Variants in MCF2L observed in about 807,000 individuals in gnomAD.
MCF2L encodes MCF.2 cell line derived transforming sequence like, also known as guanine nucleotide exchange factor DBS.
MCF2L carries 97 observed loss-of-function variants against 153.4 expected under a neutral mutation model. The observed-to-expected ratio is 0.63, with a 90% confidence interval of 0.54 to 0.75. The LOEUF (loss-of-function observed/expected upper bound fraction) is 0.75. MCF2L is among the 30% of genes least tolerant of loss of function. MCF2L has a pLI of 0.00. For missense variants in MCF2L, 1,347 were observed against 1,495.2 expected (o/e 0.90, Z 1.64); for synonymous variants, 659 against 632.2 (o/e 1.04, Z -0.64).
chr13:113,086,257 G>A lies in MCF2L; in HGVS notation c.2373+8G>A, dbSNP rs41300612. ...GCTATCACCGGCTATGACGTAAGGC[G>A]CCCAGATGCCCGGTCTTCCCCGCCG... On this transcript the variant is annotated splice_region_variant and intron_variant, in intron 21 of 29. Coordinates refer to ENST00000535094, the MANE Select transcript of MCF2L (RefSeq NM_001112732.3). 7.5e-4 allele frequency: 1,209 copies of A among 1,607,174 alleles called. 8 individuals are homozygous for A. The highest frequency in any genetic ancestry group is 2.7e-3 in the South Asian group (246 of 90,256).
chr13:113,032,425 C>T (rs1486879700), intron 3 of MCF2L, among the ~76,000 whole-genome samples: 2 of 152,278 alleles, frequency 1.3e-5, no homozygotes, highest in Admixed American at 6.5e-5. Context: ...TGTGGAGCTG[C>T]ACTGGGGTGA....
chr13:113,028,465 C>T lies in MCF2L; in HGVS notation c.278+3707C>T, dbSNP rs1236070099. Among the ~76,000 whole-genome samples the T allele has an allele frequency of 1.3e-5, 2 of 152,218 alleles. No homozygotes were observed. Among genetic ancestry groups the T allele is most frequent in the Non-Finnish European group, 2.9e-5 (2 of 68,044 alleles). On this transcript the variant is annotated intron_variant, in intron 3 of 29. Coordinates refer to ENST00000535094, the MANE Select transcript of MCF2L (RefSeq NM_001112732.3). The surrounding 1 kb of genome is among the most constrained non-coding windows in gnomAD (Gnocchi z 5.4). ...CAGATGGGTCCAGACTCCTGCAGGA[C>T]AAGACCCACTCAGCCACCTCTGTAG...
intron 5 of MCF2L, among the ~76,000 whole-genome samples, chr13:113,061,387 C>G (rs1290180681): frequency 6.6e-6 from 1 of 152,150 alleles, no homozygotes; most frequent in Non-Finnish European, 1.5e-5. Flanking sequence ...CCCCGGAGAG[C>G]CCTGGTCAGC....
At chr13:113,061,706 TTGCCCTCCCCTCCCC>T in intron 5 of MCF2L, among the ~76,000 whole-genome samples, 1 of 11,502 alleles carries the variant, frequency 8.7e-5, no homozygotes, top group South Asian at 4.2e-3. Flanking sequence ...CCCCTCCCCC[TTGCCCTCCCCTCCCC>T]CTTGCCCTCC....
At chr13:112,899,713 G>A (rs1265553517) in intron 1 of MCF2L, among the ~76,000 whole-genome samples, 2 of 152,176 alleles carry the variant, frequency 1.3e-5, no homozygotes, top group Non-Finnish European at 2.9e-5. Flanking sequence ...TCAGGACCCC[G>A]GAGCTGACTG....
intron 1 of MCF2L, among the ~76,000 whole-genome samples, chr13:112,901,099 G>A (rs2081115336): frequency 6.6e-6 from 1 of 152,210 alleles, no homozygotes; most frequent in African/African-American, 2.4e-5. Flanking sequence ...AGGATGCAGT[G>A]TGAACAGTGG....
At chr13:113,050,706 AGGAGCAGGGGGGGCG>A in intron 4 of MCF2L, among the ~76,000 whole-genome samples, 1 of 30,284 alleles carries the variant, frequency 3.3e-5, no homozygotes, top group South Asian at 2.0e-3. Context: ...GGGAGGCGGG[AGGAGCAGGGGGGGCG>A]GGGGCGGGGG....
intron 2 of MCF2L, among the ~76,000 whole-genome samples, chr13:112,920,679 G>A (rs1431552370): frequency 6.7e-6 from 1 of 148,482 alleles, no homozygotes; most frequent in African/African-American, 2.5e-5. Context: ...GGGAGGGCTT[G>A]CAGGGAGAGT....
chr13:112,941,528 A>C lies in MCF2L; in HGVS notation c.169+39157A>C, dbSNP rs1391127821. ...AGTCAACACAGGTGTAGGCGGGCGCAGGTGTGGATGTCAGGTGATCGAGTT... is the reference window on the plus strand; with the variant it reads ...AGTCAACACAGGTGTAGGCGGGCGCCGGTGTGGATGTCAGGTGATCGAGTT... On this transcript the variant is annotated intron_variant, in intron 2 of 29. Coordinates refer to the MCF2L transcript ENST00000375608. This position sits in a 1 kb window ranked among gnomAD's most constrained non-coding sequence, Gnocchi z 4.9. Among the ~76,000 whole-genome samples, 1 of 151,912 alleles carries C rather than the reference A, an allele frequency of 6.6e-6. No individual in the cohort carries two copies. Among genetic ancestry groups the C allele is most frequent in the Non-Finnish European group, 1.5e-5 (1 of 67,980 alleles).
chr13:113,065,300 T>C (rs1345184253), intron 7 of MCF2L: 2 of 585,554 alleles, frequency 3.4e-6, no homozygotes, highest in African/African-American at 3.7e-5. Flanking sequence ...GGAGTGTAAA[T>C]GAACCCTGTA....
At chr13:112,990,644 C>G (rs1318804132) in intron 1 of MCF2L, among the ~76,000 whole-genome samples, 1 of 152,206 alleles carries the variant, frequency 6.6e-6, no homozygotes, top group African/African-American at 2.4e-5. Flanking sequence ...TTCAGAAAAC[C>G]AAACTGCTTT....
At chr13:112,928,275 C>T (rs542424765) in intron 2 of MCF2L, among the ~76,000 whole-genome samples, 2 of 152,290 alleles carry the variant, frequency 1.3e-5, no homozygotes, top group South Asian at 2.1e-4. Context: ...TTTTTGCACT[C>T]GTTTGAAATT....
In MCF2L at chr13:113,045,119, G is replaced by A; in HGVS notation, c.279-152G>A. On this transcript the variant is annotated intron_variant, in intron 3 of 29. Transcript: ENST00000535094. The surrounding 1 kb of genome is among the most constrained non-coding windows in gnomAD (Gnocchi z 4.2). The stretch of plus-strand genomic sequence containing the variant: ...TGGGACTGCGGGGATGGGGCTGCCG[G>A]GGCCCCCGTGTGCCATGCCTCTCAC... 1 of 932,082 alleles carries A rather than the reference G, an allele frequency of 1.1e-6. No homozygotes were observed. The highest frequency in any genetic ancestry group is 1.7e-6 in the Non-Finnish European group (1 of 598,840). The allele number at this position is 932,082 out of a possible 1,614,324, so 57.7% of individuals were successfully genotyped here.
At position 113,070,234 on chromosome 13, in the gene MCF2L, C is replaced by G; in HGVS notation, c.996+61C>G. ...ATGCTCACGGGGCCTCCTGTGCCTG[C>G]GCCCTGGTCCCAGTGCCGGGAGCTG... is the stretch of plus-strand genomic sequence containing the variant. On this transcript the variant is annotated intron_variant, in intron 9 of 29. Coordinates refer to ENST00000535094, the MANE Select transcript of MCF2L (RefSeq NM_001112732.3). This position sits in a 1 kb window ranked among gnomAD's most constrained non-coding sequence, Gnocchi z 5.6. The G allele has an allele frequency of 1.7e-6, 2 of 1,181,520 alleles. No individual in the cohort carries two copies. The highest frequency in any genetic ancestry group is 2.3e-6 in the Non-Finnish European group (2 of 857,216). The allele number at this position is 1,181,520 out of a possible 1,614,324, so 73.2% of individuals were successfully genotyped here.
At chr13:113,015,337 G>T (rs2084437330) in intron 2 of MCF2L, among the ~76,000 whole-genome samples, 1 of 152,224 alleles carries the variant, frequency 6.6e-6, no homozygotes, top group Non-Finnish European at 1.5e-5. Flanking sequence ...ACCTGCAGTG[G>T]CCCCGAGCTA....
intron 2 of MCF2L, chr13:112,956,531 T>A (rs1428212562): frequency 6.6e-6 from 1 of 152,284 alleles, no homozygotes; most frequent in African/African-American, 2.4e-5. Context: ...AATCGAGCAA[T>A]GCTGGAAGCG....
At chr13:112,914,257 C>G (rs1594316377) in intron 2 of MCF2L, among the ~76,000 whole-genome samples, 1 of 152,222 alleles carries the variant, frequency 6.6e-6, no homozygotes. Flanking sequence ...CATGTTCACA[C>G]TTTCCTCCTT....
Position 113,096,456 on chromosome 13 carries a change from T to C in MCF2L, c.3161T>C (p.Leu1054Pro), listed in dbSNP as rs1439536442. The C allele has an allele frequency of 1.9e-6, 3 of 1,593,354 alleles. No individual in the cohort carries two copies. The highest frequency in any genetic ancestry group is 4.6e-5 in the East Asian group (2 of 43,900). The change falls in exon 28 of 30, where the codon CTG (leucine) becomes CCG (proline). Residue 1054 changes from leucine to proline, a missense_variant. Around this residue, in one of 3 missense-constraint regions of MCF2L, gnomAD observed 383 missense variants for 335.4 expected, o/e 1.14. Coordinates refer to ENST00000535094, the MANE Select transcript of MCF2L (RefSeq NM_001112732.3). ...GTGAGGAGCGGGGACGTGGTGGAGC[T>C]GGTGCAGGAGGGCGACGAGGGCCTC... Reference protein sequence around the residue: ...LRVRSGDVVELVQEGDEGLWY... With the variant: ...LRVRSGDVVEPVQEGDEGLWY...
intron 2 of MCF2L, chr13:112,909,363 C>T: frequency 3.9e-6 from 3 of 773,932 alleles, no homozygotes; most frequent in Middle Eastern, 4.5e-4. Context: ...CCTCCCCGCC[C>T]AGCATGGGTT....
Sources: allele counts gnomAD v4.1 joint callset (sites outside exome capture counted in the v4.1 genomes callset), GRCh38; gene constraint gnomAD v4.1.1; regional missense constraint gnomAD v4.1.1; non-coding constraint Gnocchi (gnomAD v3.1); transcripts MANE v1.5; gene names NCBI Gene and HGNC (gene_info 2026-07-23, HGNC 2026-07-21).